The following INTS13 variants were observed in gnomAD, a reference collection of about 807,000 sequenced individuals.
INTS13 encodes the protein asunder, spermatogenesis regulator homolog (Drosphila).
INTS13 carries 35 observed loss-of-function variants against 90.2 expected under a neutral mutation model. The ratio of observed to expected loss-of-function variants is 0.39; its 90% CI spans 0.30 to 0.51. INTS13 has a LOEUF of 0.51. Ranked by LOEUF, INTS13 falls within the 20% of genes least tolerant of loss-of-function variation. The pLI is 0.80. For missense variants in INTS13, 601 were observed against 851.2 expected (o/e 0.71, Z 3.66); for synonymous variants, 309 against 277.1 (o/e 1.11, Z -1.14).
chr12:26,911,115 G>A (rs1253890207), intron 15 of INTS13, 63 bp downstream of exon 15: 24 of 1,545,146 alleles, frequency 1.6e-5, no homozygotes, highest in Non-Finnish European at 2.0e-5. Context: ...GATTACAGGG[G>A]TAAGCCACCA....
Position 26,911,202 on chromosome 12 carries a change from T to C in INTS13, c.1921A>G (p.Thr641Ala), listed in dbSNP as rs1302362682. 4 of 1,613,490 alleles carry C rather than the reference T, an allele frequency of 2.5e-6. No homozygotes were observed. The highest frequency in any genetic ancestry group is 4.5e-5 in the East Asian group (2 of 44,838). ...NKKPLVEMDE[T>A]PQVEKSKGPV... ...CCTTTTGATTTTTCCACTTGTGGAG[T>C]TTCATCCATTTCAACAAGGGGTTTT... Residue 641 changes from threonine to alanine, a missense_variant, in exon 15 of 17, where the codon ACT (threonine) becomes GCT (alanine). Physicochemically the swap from Thr to Ala is moderately conservative, Grantham distance 58. Transcript: ENST00000261191.
chr12:26,907,723 T>C (rs1951651786), intron 15 of INTS13, among the ~76,000 whole-genome samples: 1 of 152,098 alleles, frequency 6.6e-6, no homozygotes, highest in Non-Finnish European at 1.5e-5. Context: ...TAAACAACTC[T>C]CAAAATCCAC....
chr12:26,910,746 T>A (rs1462037315), intron 15 of INTS13, among the ~76,000 whole-genome samples: 2 of 152,200 alleles, frequency 1.3e-5, no homozygotes, highest in South Asian at 2.1e-4. Flanking sequence ...AAACAGAGAA[T>A]GTCCTAAACA....
At chr12:26,907,313 C>A (rs1314008443) in intron 15 of INTS13, among the ~76,000 whole-genome samples, 1 of 152,102 alleles carries the variant, frequency 6.6e-6, no homozygotes, top group Non-Finnish European at 1.5e-5. Context: ...ATCCCACATA[C>A]ATAGTCAACT....
At chr12:26,917,846 G>C in intron 8 of INTS13, 113 bp from the exon 9 acceptor site, 1 of 765,876 alleles carries the variant, frequency 1.3e-6, no homozygotes, top group Non-Finnish European at 2.1e-6. Flanking sequence ...AAAAGCGGCC[G>C]GGTGCAGTGG....
At chr12:26,936,956 A>G (rs1938496546) in intron 1 of INTS13, 142 bp from the exon 2 acceptor site, 2 of 633,964 alleles carry the variant, frequency 3.2e-6, no homozygotes, top group Non-Finnish European at 5.4e-6. Context: ...TGTCCGACAA[A>G]GGACAGTTTA....
chr12:26,929,663 G>A (rs1938082112), intron 3 of INTS13, among the ~76,000 whole-genome samples: 1 of 151,868 alleles, frequency 6.6e-6, no homozygotes, highest in South Asian at 2.1e-4. Context: ...TTGAGCCCAG[G>A]AGTTCAGCCA....
At position 26,921,368 on chromosome 12, in the gene INTS13, T is replaced by C. The variant is rs562200121; in HGVS notation, c.889+1248A>G. On this transcript the variant is annotated intron_variant, in intron 8 of 16. Coordinates refer to ENST00000261191, the MANE Select transcript of INTS13 (RefSeq NM_018164.3). The stretch of plus-strand genomic sequence containing the variant: ...TCTTTCGAGTTTGCTCCTATTCTTT[T>C]CCCTTCCTCAAGGTTGTTTGCCTGC... Among the ~76,000 whole-genome samples the C allele has an allele frequency of 2.0e-4, 30 of 152,360 alleles. No homozygotes were observed. The South Asian group carries it at 6.2e-3, about 32-fold the overall frequency.
At chr12:26,938,009 A>ACACACACGCG (rs552231888), upstream of INTS13, 1 of 152,470 alleles carries the variant, frequency 6.6e-6, no homozygotes, top group Non-Finnish European at 1.5e-5. Context: ...ACACACACAC[A>ACACACACGCG]CGCACTCGGG....
rs761994984 is a variant in INTS13 at position 26,913,712 on chromosome 12, CT to C, written c.1575-26del. ...TCTGCAGCAAAGATTTGGAAATACT[CT>C]TTAAATAATATTGAAGTGTCACTTT... On this transcript the variant is annotated intron_variant, in intron 13 of 16. Coordinates refer to ENST00000261191, the MANE Select transcript of INTS13 (RefSeq NM_018164.3). 5 of 1,551,038 alleles carry C rather than the reference CT, an allele frequency of 3.2e-6. No individual in the cohort carries two copies. The East Asian group carries it at 1.1e-4, about 35-fold the overall frequency.
intron 14 of INTS13, among the ~76,000 whole-genome samples, chr12:26,912,091 G>GT (rs757637798): frequency 2.0e-5 from 3 of 152,194 alleles, no homozygotes; most frequent in Non-Finnish European, 4.4e-5. Context: ...TAGATGATGA[G>GT]TAACTATCTG....
At chr12:26,921,750 G>T (rs1013589586) in intron 8 of INTS13, among the ~76,000 whole-genome samples, 1 of 152,146 alleles carries the variant, frequency 6.6e-6, no homozygotes, top group Non-Finnish European at 1.5e-5. Flanking sequence ...CCGCCTCCCA[G>T]GTTCAAGAGA....
chr12:26,915,398 ATAT>A lies in INTS13; in HGVS notation c.1248+601_1248+603del, dbSNP rs1951902817. The stretch of plus-strand genomic sequence containing the variant: ...ATTGATTAGGCTTCTCCTTATTTAA[ATAT>A]TATGTTTTTTAAAAAAATCCTAATT... On this transcript the variant is annotated intron_variant, in intron 11 of 16. Coordinates refer to ENST00000261191, the MANE Select transcript of INTS13 (RefSeq NM_018164.3). Among the ~76,000 whole-genome samples the A allele has an allele frequency of 2.6e-5, 4 of 152,166 alleles. 1 individual carries two copies. In the South Asian group the frequency reaches 8.3e-4, roughly 31 times the overall value.
intron 15 of INTS13, among the ~76,000 whole-genome samples, chr12:26,908,921 T>C (rs1951690389): frequency 6.6e-6 from 1 of 152,256 alleles, no homozygotes; most frequent in Non-Finnish European, 1.5e-5. Flanking sequence ...AATTTAATGA[T>C]AGCTGATATT....
At chr12:26,917,490 C>A in intron 9 of INTS13, 49 bp from the exon 10 acceptor site, 1 of 1,284,808 alleles carries the variant, frequency 7.8e-7, no homozygotes, top group Non-Finnish European at 1.1e-6. Flanking sequence ...GAAATATTCC[C>A]ACAATTAAAA....
intron 2 of INTS13, among the ~76,000 whole-genome samples, chr12:26,935,062 T>C (rs534795823): frequency 1.1e-4 from 17 of 152,294 alleles, no homozygotes; most frequent in African/African-American, 3.8e-4. Flanking sequence ...ATAGACAATC[T>C]GGGTACGGCA....
intron 15 of INTS13, among the ~76,000 whole-genome samples, chr12:26,907,192 G>C (rs1453689895): frequency 7.2e-5 from 11 of 152,212 alleles, no homozygotes; most frequent in Admixed American, 7.2e-4. Flanking sequence ...AAAGTTAGAA[G>C]ATTCTTACTT....
rs1391109804 is a variant in INTS13, at chr12:26,913,539, TTCC to T, written c.1720_1722del (p.Gly574del). On this transcript the variant is annotated inframe_deletion, in exon 14 of 17. Coordinates refer to ENST00000261191, the MANE Select transcript of INTS13 (RefSeq NM_018164.3). ...TTGTCCTCTTTGTCTTCCCTCTTTC[TTCC>T]TCGTTTCTTTCGTTCTTCCTCTTCT... The T allele has an allele frequency of 1.2e-6, 2 of 1,614,140 alleles. No individual in the cohort carries two copies. The highest frequency in any genetic ancestry group is 1.7e-5 in the Admixed American group (1 of 60,020).
At chr12:26,929,905 T>A (rs529292915) in intron 3 of INTS13, among the ~76,000 whole-genome samples, 2 of 152,156 alleles carry the variant, frequency 1.3e-5, no homozygotes, top group Non-Finnish European at 2.9e-5. Context: ...GCAGATGACA[T>A]GATCCTGAAT....
Sources: gnomAD v4.1 joint callset for allele counts (sites outside exome capture counted in the v4.1 genomes callset) on GRCh38, gnomAD v4.1.1 for gene constraint, MANE v1.5 for transcripts, NCBI Gene and HGNC (gene_info 2026-07-23, HGNC 2026-07-21) for gene names.